CNTN3: variants seen among roughly 807,000 people sequenced by gnomAD.
CNTN3 encodes the protein contactin-3.
In CNTN3, 60 loss-of-function variants were observed where a neutral mutation model predicts 119.1. The observed-to-expected ratio is 0.50, with a 90% CI of 0.41 to 0.62. The LOEUF is 0.62. CNTN3 is among the 20% of genes least tolerant of loss of function. CNTN3 has a pLI of 0.00. For missense variants in CNTN3, 1,101 were observed against 1,242.4 expected (o/e 0.89, Z 1.71); for synonymous variants, 450 against 438.7 (o/e 1.03, Z -0.32).
intron 19 of CNTN3, among the ~76,000 whole-genome samples, chr3:74,291,410 A>G (rs190716818): frequency 1.9e-4 from 29 of 152,312 alleles, no homozygotes; most frequent in Admixed American, 1.6e-3. Flanking sequence ...CTTTGGGTAT[A>G]TACCCAGTAA....
intron 2 of CNTN3, among the ~76,000 whole-genome samples, chr3:74,509,169 A>G (rs1703318368): frequency 6.6e-6 from 1 of 152,196 alleles, no homozygotes; most frequent in Non-Finnish European, 1.5e-5. Flanking sequence ...TAATAAACAC[A>G]TGCACATTCT....
chr3:74,355,989 T>C (rs536988432), intron 11 of CNTN3, among the ~76,000 whole-genome samples: 14 of 152,188 alleles, frequency 9.2e-5, no homozygotes, highest in Non-Finnish European at 1.6e-4. Flanking sequence ...TGCTATGCTC[T>C]GAATATGTCC....
intron 13 of CNTN3, among the ~76,000 whole-genome samples, chr3:74,328,285 C>G (rs1413100540): frequency 6.6e-6 from 1 of 151,966 alleles, no homozygotes; most frequent in Non-Finnish European, 1.5e-5. Flanking sequence ...TTTAATCATA[C>G]ATTATTTGAG....
intron 4 of CNTN3, among the ~76,000 whole-genome samples, chr3:74,460,716 A>G (rs1702349073): frequency 7.0e-6 from 1 of 142,216 alleles, no homozygotes; most frequent in African/African-American, 2.6e-5. Flanking sequence ...CTCTAAAAGT[A>G]GAGATAATTT....
chr3:74,520,786 A>C (rs1229513762), intron 2 of CNTN3, among the ~76,000 whole-genome samples: 1 of 151,622 alleles, frequency 6.6e-6, no homozygotes, highest in Non-Finnish European at 1.5e-5. Flanking sequence ...ATTTGATGTT[A>C]TATTCATAAT....
In CNTN3 at chr3:74,402,711, A is replaced by G. The variant is rs1413636640; in HGVS notation, c.454+22134T>C. Among the ~76,000 whole-genome samples, 3 of 152,200 alleles carry G rather than the reference A, an allele frequency of 2.0e-5. No homozygotes were observed. In the East Asian group the frequency reaches 5.8e-4, roughly 29 times the overall value. On this transcript the variant is annotated intron_variant, in intron 5 of 22. Transcript: ENST00000263665. Reference sequence around the variant, plus strand: ...ACTTTTTAAAATACACGAAATAAATACAATATAATGGAAGAAAATGATTAC... The same window carrying G: ...ACTTTTTAAAATACACGAAATAAATGCAATATAATGGAAGAAAATGATTAC...
chr3:74,422,741 T>C (rs1701636195), intron 5 of CNTN3, among the ~76,000 whole-genome samples: 1 of 152,238 alleles, frequency 6.6e-6, no homozygotes, highest in Non-Finnish European at 1.5e-5. Context: ...TATTATGTTA[T>C]GTTCATTTGA....
chr3:74,301,765 A>C lies in CNTN3; in HGVS notation c.1827T>G (p.Ile609Met). The C allele has an allele frequency of 6.2e-7, 1 of 1,614,054 alleles. No homozygotes were observed. Residue 609 changes from isoleucine to methionine, a missense_variant, in exon 15 of 23, where the codon ATT becomes ATG. Physicochemically the swap from Ile to Met is conservative, Grantham distance 10 (BLOSUM62 1). Coordinates refer to ENST00000263665, the MANE Select transcript of CNTN3 (RefSeq NM_020872.3). ...GPPENVKVDE[I>M]TDTTAQLSWK... The stretch of plus-strand genomic sequence containing the variant: ...AAGAGAGTTGGGCTGTTGTGTCTGT[A>C]ATTTCATCTACCTTCACATTTTCTG...
chr3:74,557,947 T>C (rs756214461), intron 1 of CNTN3, among the ~76,000 whole-genome samples: 7 of 152,186 alleles, frequency 4.6e-5, no homozygotes, highest in Admixed American at 6.5e-5. Context: ...AATGGATGCA[T>C]GGAACACAAG....
Position 74,302,819 on chromosome 3 carries a change from A to G in CNTN3, c.1669-12T>C. ...TCACCAGATGAACTCTGTTGGGAAAACAGGTAATGAATACACTGTTATTTT... is the reference window on the plus strand; with the variant it reads ...TCACCAGATGAACTCTGTTGGGAAAGCAGGTAATGAATACACTGTTATTTT... On this transcript the variant is annotated splice_polypyrimidine_tract_variant and intron_variant, in intron 13 of 22. Coordinates refer to ENST00000263665, the MANE Select transcript of CNTN3 (RefSeq NM_020872.3). The G allele has an allele frequency of 1.3e-6, 2 of 1,532,512 alleles. No homozygotes were observed. The highest frequency in any genetic ancestry group is 1.8e-6 in the Non-Finnish European group (2 of 1,107,154). The allele number at this position is 1,532,512 out of a possible 1,614,324, so 94.9% of individuals were successfully genotyped here.
chr3:74,424,783 G>A (rs527559243), intron 5 of CNTN3, 62 bp downstream of exon 5: 2 of 1,318,208 alleles, frequency 1.5e-6, no homozygotes, highest in Non-Finnish European at 2.2e-6. Flanking sequence ...AACAGTACAT[G>A]CGCTGCAGGC....
chr3:74,500,111 T>C (rs192202683), intron 2 of CNTN3, among the ~76,000 whole-genome samples: 59 of 152,156 alleles, frequency 3.9e-4, no homozygotes, highest in African/African-American at 1.3e-3. Flanking sequence ...GTCTTTCTTG[T>C]CATAGCCTTT....
intron 5 of CNTN3, among the ~76,000 whole-genome samples, chr3:74,381,182 T>TA (rs542216743): frequency 3.7e-4 from 56 of 150,518 alleles, no homozygotes; most frequent in Admixed American, 6.0e-4. Context: ...TAAACACCAT[T>TA]AAAAAAAACC....
intron 20 of CNTN3, among the ~76,000 whole-genome samples, chr3:74,271,221 G>T (rs994370706): frequency 6.6e-6 from 1 of 152,040 alleles, no homozygotes; most frequent in Non-Finnish European, 1.5e-5. Flanking sequence ...AATAAATTGT[G>T]GCGTTCATCA....
chr3:74,572,509 A>G (rs1176537003), intron 1 of CNTN3, among the ~76,000 whole-genome samples: 2 of 152,326 alleles, frequency 1.3e-5, no homozygotes, highest in South Asian at 2.1e-4. Flanking sequence ...ATAATGTTAA[A>G]AGAAAAAAGG....
At chr3:74,467,756 A>G (rs993723681) in intron 4 of CNTN3, among the ~76,000 whole-genome samples, 4 of 152,188 alleles carry the variant, frequency 2.6e-5, no homozygotes, top group Admixed American at 6.5e-5. Context: ...CAGACAAGCC[A>G]TAACTGTTCT....
chr3:74,265,924 T>C (rs1359357970), intron 22 of CNTN3, among the ~76,000 whole-genome samples: 3 of 152,170 alleles, frequency 2.0e-5, no homozygotes, highest in African/African-American at 7.2e-5. Flanking sequence ...CCAAAGTCTG[T>C]TTCCAACTCT....
At chr3:74,311,509 C>T (rs1702685097) in intron 13 of CNTN3, among the ~76,000 whole-genome samples, 1 of 152,118 alleles carries the variant, frequency 6.6e-6, no homozygotes. Flanking sequence ...TTCAATAACC[C>T]CAAATGAACC....
chr3:74,464,658 T>C (rs1282686762), intron 4 of CNTN3, among the ~76,000 whole-genome samples: 4 of 152,198 alleles, frequency 2.6e-5, no homozygotes, highest in South Asian at 2.1e-4. Flanking sequence ...TATTATATAG[T>C]TATGAGTTTG....
Sources: gnomAD v4.1 joint callset for allele counts (sites outside exome capture counted in the v4.1 genomes callset) on GRCh38, gnomAD v4.1.1 for gene constraint, MANE v1.5 for transcripts, NCBI Gene and HGNC (gene_info 2026-07-23, HGNC 2026-07-21) for gene names.